BNC2: variants seen among roughly 807,000 people sequenced by gnomAD.
The protein encoded by BNC2 is zinc finger protein basonuclin-2.
A neutral mutation model predicts 76.3 loss-of-function variants in BNC2; 20 were observed. The observed-to-expected ratio is 0.26, with a 90% CI of 0.18 to 0.38. BNC2 has a LOEUF of 0.38. Ranked by LOEUF, BNC2 falls within the 10% of genes least tolerant of loss-of-function variation. The pLI, the probability that BNC2 is intolerant of heterozygous loss-of-function variation, is 1.00. For synonymous variants in BNC2, 582 were observed against 514.8 expected, an observed-to-expected ratio of 1.13 and a Z score of -1.77; for missense variants, 1,382 against 1,399.8, an observed-to-expected ratio of 0.99 and a Z score of 0.20.
At chr9:16,474,386 A>G (rs1306280132) in intron 5 of BNC2, among the ~76,000 whole-genome samples, 1 of 152,202 alleles carries the variant, frequency 6.6e-6, no homozygotes, top group Non-Finnish European at 1.5e-5. Context: ...AAGGGAGAAA[A>G]GTGTTCAAGG....
At chr9:16,686,826 G>C (rs1822992115) in intron 3 of BNC2, among the ~76,000 whole-genome samples, 1 of 152,140 alleles carries the variant, frequency 6.6e-6, no homozygotes, top group South Asian at 2.1e-4. Flanking sequence ...AAGGTACTCG[G>C]TCAACGCTTC....
intron 1 of BNC2, among the ~76,000 whole-genome samples, chr9:16,865,019 C>T (rs1229144071): frequency 7.9e-6 from 1 of 127,358 alleles, no homozygotes; most frequent in Non-Finnish European, 1.6e-5. Context: ...TCTGGGTACA[C>T]GTCTGGCTTT....
At chr9:16,691,052 G>T (rs983314347) in intron 3 of BNC2, among the ~76,000 whole-genome samples, 1 of 152,106 alleles carries the variant, frequency 6.6e-6, no homozygotes, top group South Asian at 2.1e-4. Flanking sequence ...AACAACAACA[G>T]AAATACCTTG....
chr9:16,626,627 G>A (rs1821000101), intron 3 of BNC2, among the ~76,000 whole-genome samples: 1 of 151,994 alleles, frequency 6.6e-6, no homozygotes, highest in Admixed American at 6.6e-5. Flanking sequence ...CCTGGCTCTG[G>A]GGTGCTGGCC....
intron 3 of BNC2, among the ~76,000 whole-genome samples, chr9:16,619,857 G>A (rs983405510): frequency 9.9e-5 from 15 of 152,148 alleles, no homozygotes; most frequent in Non-Finnish European, 1.5e-5. Flanking sequence ...AAAAAGAAAG[G>A]TGGTAAGTGT....
intron 3 of BNC2, among the ~76,000 whole-genome samples, chr9:16,613,230 A>T (rs1820602237): frequency 6.6e-6 from 1 of 152,184 alleles, no homozygotes; most frequent in Admixed American, 6.5e-5. Context: ...CTATTGTGCC[A>T]GTTTGAATAA....
At chr9:16,682,086 G>A (rs1275692984) in intron 3 of BNC2, among the ~76,000 whole-genome samples, 2 of 151,870 alleles carry the variant, frequency 1.3e-5, no homozygotes, top group Non-Finnish European at 2.9e-5. Flanking sequence ...ATGTATCTGT[G>A]AAGGAAACAA....
rs1821089309 is a variant in BNC2, at chr9:16,629,200, CTAAACTA to C, written c.331-46122_331-46116del. 2.6e-5 allele frequency among the ~76,000 whole-genome samples: 4 copies of C among 152,288 alleles called. No homozygotes were observed. In the South Asian group the frequency reaches 8.3e-4, roughly 32 times the overall value. On this transcript the variant is annotated intron_variant, in intron 3 of 6. Coordinates refer to ENST00000380672, the MANE Select transcript of BNC2 (RefSeq NM_017637.6). Reference sequence around the variant, plus strand: ...GCCTAATTTAGCCAAACACATTACTCTAAACTATAATGTTGTAAAGATGCTTGATTCG... The same window carrying C: ...GCCTAATTTAGCCAAACACATTACTCTAATGTTGTAAAGATGCTTGATTCG...
At chr9:16,854,628 G>A (rs1253778926) in intron 1 of BNC2, among the ~76,000 whole-genome samples, 2 of 151,984 alleles carry the variant, frequency 1.3e-5, no homozygotes, top group Non-Finnish European at 2.9e-5. Flanking sequence ...GCAGTAGCAT[G>A]AGGTATCCCC....
intron 5 of BNC2, among the ~76,000 whole-genome samples, chr9:16,490,511 C>T (rs1470868740): frequency 6.6e-6 from 1 of 152,152 alleles, no homozygotes; most frequent in Non-Finnish European, 1.5e-5. Context: ...TCATCTAATA[C>T]ACACCTTTAT....
rs775493140 is a variant in BNC2, at chr9:16,516,136, G to A, written c.669+36394C>T. 2.1e-4 allele frequency among the ~76,000 whole-genome samples: 32 copies of A among 152,160 alleles called. 1 individual carries two copies. The highest frequency in any genetic ancestry group is 2.0e-3 in the Admixed American group (31 of 15,266). The stretch of plus-strand genomic sequence containing the variant: ...TGCCCTCTTGCCTTTCGGGTGGCCT[G>A]GTAAACACACAGCCTAACTGTGCTT... On this transcript the variant is annotated intron_variant, in intron 5 of 6. Transcript: ENST00000380672.
At chr9:16,757,412 C>A (rs1825416906) in intron 1 of BNC2, among the ~76,000 whole-genome samples, 1 of 152,148 alleles carries the variant, frequency 6.6e-6, no homozygotes, top group Non-Finnish European at 1.5e-5. Context: ...CTTATCAAGA[C>A]AGAGATAAAC....
chr9:16,413,996 T>C lies in BNC2; in HGVS notation c.*4993A>G, dbSNP rs763937892. 8.5e-5 allele frequency: 13 copies of C among 152,188 alleles called. No individual in the cohort carries two copies. Among genetic ancestry groups the C allele is most frequent in the African/African-American group, 1.2e-4 (5 of 41,448 alleles). 9.4% of individuals were successfully genotyped at this position (152,188 alleles called of 1,614,324 possible). ...GAGGTGTTACCACTGGCCTTTTCTATAGCCTTGCTGACCCCTGGCATCTTT... is the reference window on the plus strand; with the variant it reads ...GAGGTGTTACCACTGGCCTTTTCTACAGCCTTGCTGACCCCTGGCATCTTT... On this transcript the variant is annotated 3_prime_UTR_variant, in exon 7 of 7. Coordinates refer to ENST00000380672, the MANE Select transcript of BNC2 (RefSeq NM_017637.6).
chr9:16,472,981 T>C (rs894650867), intron 5 of BNC2, among the ~76,000 whole-genome samples: 5 of 152,166 alleles, frequency 3.3e-5, no homozygotes, highest in East Asian at 1.9e-4. Context: ...GTGGATACTA[T>C]GGCAGAGTCC....
At chr9:16,566,553 T>G (rs1819174261) in intron 4 of BNC2, among the ~76,000 whole-genome samples, 1 of 152,170 alleles carries the variant, frequency 6.6e-6, no homozygotes, top group Non-Finnish European at 1.5e-5. Flanking sequence ...CTTGGGAGAT[T>G]ACAATGCACT....
At chr9:16,507,893 C>T (rs1399318584) in intron 5 of BNC2, among the ~76,000 whole-genome samples, 1 of 152,166 alleles carries the variant, frequency 6.6e-6, no homozygotes, top group Non-Finnish European at 1.5e-5. Flanking sequence ...CTATTGAGAA[C>T]ATTCCAAAAT....
intron 2 of BNC2, among the ~76,000 whole-genome samples, chr9:16,736,779 T>G (rs1025435665): frequency 2.7e-5 from 4 of 147,188 alleles, no homozygotes; most frequent in Non-Finnish European, 6.0e-5. Flanking sequence ...CGACCTATTG[T>G]TTTTTTTTTC....
chr9:16,613,420 A>G (rs1307042774), intron 3 of BNC2, among the ~76,000 whole-genome samples: 3 of 152,218 alleles, frequency 2.0e-5, no homozygotes, highest in Non-Finnish European at 4.4e-5. Flanking sequence ...CAAAGTCAAA[A>G]GGAAAGGTGG....
chr9:16,554,141 T>G (rs1016487390), intron 4 of BNC2, among the ~76,000 whole-genome samples: 3 of 152,182 alleles, frequency 2.0e-5, no homozygotes, highest in Non-Finnish European at 2.9e-5. Context: ...TCAGCGGCTT[T>G]TCCTAACACC....
Sources: allele counts gnomAD v4.1 joint callset (sites outside exome capture counted in the v4.1 genomes callset), GRCh38; gene constraint gnomAD v4.1.1; transcripts MANE v1.5; gene names NCBI Gene and HGNC (gene_info 2026-07-23, HGNC 2026-07-21).